Variants in PEAK1 observed in about 807,000 individuals in gnomAD.
PEAK1 encodes the protein pseudopodium enriched atypical kinase 1.
PEAK1 carries 54 observed loss-of-function variants against 124.7 expected under a neutral mutation model. The observed-to-expected ratio is 0.43, with a 90% confidence interval of 0.35 to 0.54. The LOEUF is 0.54. Ranked by LOEUF, PEAK1 falls within the 20% of genes least tolerant of loss-of-function variation. The probability of loss-of-function intolerance (pLI) is 0.01; values close to 1 mark genes in which losing one functional copy is unlikely to be tolerated. For synonymous variants in PEAK1, 719 were observed against 760.0 expected (o/e 0.95, Z 0.89); for missense variants, 2,046 against 2,134.5 (o/e 0.96, Z 0.82).
intron 7 of PEAK1, among the ~76,000 whole-genome samples, chr15:77,171,346 T>TTATTTTA: frequency 6.6e-6 from 1 of 152,268 alleles, no homozygotes; most frequent in South Asian, 2.1e-4. Flanking sequence ...TTAATCCATT[T>TTATTTTA]TATTTTAAAA....
At chr15:77,215,590 T>C (rs972971718) in intron 6 of PEAK1, among the ~76,000 whole-genome samples, 1 of 152,236 alleles carries the variant, frequency 6.6e-6, no homozygotes, top group Non-Finnish European at 1.5e-5. Flanking sequence ...AGTCTGTACA[T>C]GTTCAGTACA....
intron 1 of PEAK1, chr15:77,419,524 G>C (rs2142226217): frequency 1.0e-6 from 1 of 985,236 alleles, no homozygotes; most frequent in African/African-American, 1.7e-5. Flanking sequence ...GACGCTGCCG[G>C]CGAGGCTGCG....
chr15:77,256,202 G>A (rs536535928), intron 5 of PEAK1, among the ~76,000 whole-genome samples: 2 of 152,242 alleles, frequency 1.3e-5, no homozygotes, highest in East Asian at 3.9e-4. Flanking sequence ...AATTAGCCTT[G>A]CATGACTGAA....
In PEAK1 at chr15:77,332,178, T is replaced by C. The variant is rs977094818; in HGVS notation, c.-603+32985A>G. ...AGTTGCTTTAGAGAATAGCTAGTAA[T>C]ATAAGCTTACATTTCTCCTCACTAA... On this transcript the variant is annotated intron_variant, in intron 2 of 9. Coordinates refer to ENST00000682557, the MANE Select transcript of PEAK1 (RefSeq NM_001385026.1). 5 of 972,204 alleles carry C rather than the reference T, an allele frequency of 5.1e-6. No homozygotes were observed. In the African/African-American group the frequency reaches 8.8e-5, roughly 17 times the overall value. The allele number at this position is 972,204 out of a possible 1,614,324, so 60.2% of individuals were successfully genotyped here. A position where few individuals can be genotyped will look rare whatever the true frequency, so the allele number is the denominator to read the frequency against.
intron 2 of PEAK1, among the ~76,000 whole-genome samples, chr15:77,311,342 CAG>C (rs1417839843): frequency 3.9e-5 from 6 of 152,060 alleles, no homozygotes; most frequent in Non-Finnish European, 5.9e-5. Context: ...GTAAGAATTT[CAG>C]GGTTGAAGGA....
At chr15:77,293,636 ATTAC>A (rs2063339539) in intron 2 of PEAK1, among the ~76,000 whole-genome samples, 1 of 152,202 alleles carries the variant, frequency 6.6e-6, no homozygotes, top group African/African-American at 2.4e-5. Flanking sequence ...TTATTATAGA[ATTAC>A]TTAAACGTAG....
intron 1 of PEAK1, chr15:77,418,064 T>C: frequency 2.0e-6 from 2 of 984,046 alleles, no homozygotes; most frequent in Non-Finnish European, 2.4e-6. Flanking sequence ...TATTTCTTCA[T>C]GGGCCTTCAG....
intron 2 of PEAK1, among the ~76,000 whole-genome samples, chr15:77,298,533 A>T (rs2063630080): frequency 6.6e-6 from 1 of 151,878 alleles, no homozygotes. Context: ...CCTTAATTTC[A>T]ACTTTGAGGA....
intron 5 of PEAK1, among the ~76,000 whole-genome samples, chr15:77,264,197 G>A (rs2061593822): frequency 6.6e-6 from 1 of 152,108 alleles, no homozygotes; most frequent in Non-Finnish European, 1.5e-5. Flanking sequence ...ACTGGCACAA[G>A]ACAGGGATGC....
chr15:77,386,848 T>C (rs59785453), intron 1 of PEAK1, among the ~76,000 whole-genome samples: 9 of 152,108 alleles, frequency 5.9e-5, no homozygotes, highest in African/African-American at 2.2e-4. Flanking sequence ...AATACCTCAA[T>C]TGACAGTCAT....
chr15:77,284,802 T>C (rs927923695), intron 4 of PEAK1, among the ~76,000 whole-genome samples, 156 bp downstream of exon 4: 4 of 151,784 alleles, frequency 2.6e-5, no homozygotes, highest in Admixed American at 6.6e-5. Flanking sequence ...GTAATCCCAG[T>C]ACTTTGGGAG....
chr15:77,209,118 A>G (rs2058791902), intron 6 of PEAK1, among the ~76,000 whole-genome samples: 1 of 152,254 alleles, frequency 6.6e-6, no homozygotes, highest in African/African-American at 2.4e-5. Context: ...AAAGTTCTAT[A>G]CAAAGAAAAT....
chr15:77,205,708 T>C (rs2058608766), intron 6 of PEAK1, among the ~76,000 whole-genome samples: 1 of 152,194 alleles, frequency 6.6e-6, no homozygotes, highest in Non-Finnish European at 1.5e-5. Context: ...GTAGGATGTA[T>C]GTAACAGCTT....
chr15:77,242,852 G>A (rs530753945), intron 6 of PEAK1, among the ~76,000 whole-genome samples: 1 of 152,266 alleles, frequency 6.6e-6, no homozygotes, highest in East Asian at 1.9e-4. Flanking sequence ...GAAGTCAACT[G>A]ATGTCTTCCA....
intron 2 of PEAK1, chr15:77,348,901 C>T: frequency 1.1e-6 from 1 of 948,744 alleles, no homozygotes; most frequent in South Asian, 4.9e-5. Context: ...CTTGGCCTCG[C>T]AAAGTGCTGG....
At position 77,247,930 on chromosome 15, in the gene PEAK1, C is replaced by T. The variant is rs115780877; in HGVS notation, c.-115+4437G>A. On this transcript the variant is annotated intron_variant, in intron 6 of 9. Coordinates refer to ENST00000682557, the MANE Select transcript of PEAK1 (RefSeq NM_001385026.1). ...TGCCTGTAGTTTTCTTTCTTGTAATCTATTTGACTTGTTTTGATATCACAA... is the reference window on the plus strand; with the variant it reads ...TGCCTGTAGTTTTCTTTCTTGTAATTTATTTGACTTGTTTTGATATCACAA... 4.5e-3 allele frequency among the ~76,000 whole-genome samples: 683 copies of T among 152,150 alleles called. 5 individuals carry two copies. Among genetic ancestry groups the T allele is most frequent in the African/African-American group, 0.016 (654 of 41,530 alleles).
At chr15:77,338,634 TAAAA>T (rs66627554) in intron 2 of PEAK1, among the ~76,000 whole-genome samples, 2 of 142,354 alleles carry the variant, frequency 1.4e-5, no homozygotes, top group African/African-American at 5.2e-5. Flanking sequence ...GAAAAATCTT[TAAAA>T]AAAAAAATAT....
chr15:77,419,456 G>C (rs1246128176), intron 1 of PEAK1: 1 of 985,190 alleles, frequency 1.0e-6, no homozygotes, highest in Non-Finnish European at 1.2e-6. Flanking sequence ...CCACACGTTC[G>C]CGGGCTCCCC....
intron 2 of PEAK1, among the ~76,000 whole-genome samples, chr15:77,299,765 T>C (rs1282381984): frequency 6.6e-6 from 1 of 152,230 alleles, no homozygotes; most frequent in Non-Finnish European, 1.5e-5. Flanking sequence ...CACTGCATCC[T>C]ATCAGCTAGG....
Sources: gnomAD v4.1 joint callset for allele counts (sites outside exome capture counted in the v4.1 genomes callset) on GRCh38, gnomAD v4.1.1 for gene constraint, MANE v1.5 for transcripts, NCBI Gene and HGNC (gene_info 2026-07-23, HGNC 2026-07-21) for gene names.